Variants in ANKRD36C observed in about 807,000 individuals in gnomAD.
ANKRD36C encodes ankyrin repeat domain-containing protein 36C.
In ANKRD36C, 61 loss-of-function variants were observed where a neutral mutation model predicts 276.4. That is an observed-to-expected ratio of 0.22 (90% CI 0.18 to 0.27). The LOEUF (loss-of-function observed/expected upper bound fraction) is 0.27. ANKRD36C is among the 10% of genes least tolerant of loss of function. The pLI, the probability that ANKRD36C is intolerant of heterozygous loss-of-function variation, is 1.00. For synonymous variants in ANKRD36C, 483 were observed against 680.1 expected, an observed-to-expected ratio of 0.71 and a Z score of 4.51; for missense variants, 1,447 against 2,032.3, an observed-to-expected ratio of 0.71 and a Z score of 5.54.
chr2:95,918,277 C>G (rs1263700102), intron 34 of ANKRD36C, among the ~76,000 whole-genome samples: 1 of 151,510 alleles, frequency 6.6e-6, no homozygotes, highest in Admixed American at 6.6e-5. Flanking sequence ...CGTCATACGT[C>G]GAAAACTAAA....
Position 95,921,869 on chromosome 2 carries a change from A to G in ANKRD36C, c.2144-59T>C. 2.0e-6 allele frequency: 3 copies of G among 1,522,218 alleles called. No homozygotes were observed. The South Asian group carries it at 3.7e-5, about 19-fold the overall frequency. The allele number at this position is 1,522,218 out of a possible 1,614,324, so 94.3% of individuals were successfully genotyped here. On this transcript the variant is annotated intron_variant, in intron 32 of 66. Transcript: ENST00000456556. ...AATATGATACATTTTCCATACATTCATGCGGTGTTAGCATCAAGCTGTATC... is the reference window on the plus strand; with the variant it reads ...AATATGATACATTTTCCATACATTCGTGCGGTGTTAGCATCAAGCTGTATC...
At chr2:95,952,830 T>C (rs1678231888) in intron 14 of ANKRD36C, among the ~76,000 whole-genome samples, 1 of 152,302 alleles carries the variant, frequency 6.6e-6, no homozygotes, top group African/African-American at 2.4e-5. Context: ...TGATTCACAT[T>C]AAAAACTATT....
chr2:95,886,607 C>T (rs1573740360), intron 50 of ANKRD36C, among the ~76,000 whole-genome samples: 1 of 151,754 alleles, frequency 6.6e-6, no homozygotes, highest in East Asian at 1.9e-4. Flanking sequence ...TACATGCACC[C>T]GCATGACTTT....
At chr2:95,982,452 T>C in intron 3 of ANKRD36C, 90 bp from the exon 4 acceptor site, 2 of 1,143,178 alleles carry the variant, frequency 1.7e-6, no homozygotes, top group Non-Finnish European at 2.5e-6. Context: ...TGAGCTTCAA[T>C]ATATACAATT....
intron 17 of ANKRD36C, among the ~76,000 whole-genome samples, chr2:95,947,350 C>T (rs2104477101): frequency 6.6e-6 from 1 of 152,202 alleles, no homozygotes. Context: ...ATATCTCAGG[C>T]ATATTATGTT....
At chr2:95,875,196 C>T (rs1307068401) in intron 59 of ANKRD36C, among the ~76,000 whole-genome samples, 5 of 152,050 alleles carry the variant, frequency 3.3e-5, no homozygotes, top group Admixed American at 6.6e-5. Flanking sequence ...ACCCAAAGGA[C>T]TATAAATCAT....
At chr2:95,903,219 G>A (rs1351643972) in intron 42 of ANKRD36C, 138 bp from the exon 53 acceptor site, 6 of 1,415,004 alleles carry the variant, frequency 4.2e-6, no homozygotes, top group Non-Finnish European at 2.9e-6. Context: ...TTTGTGTCTG[G>A]GGACTAGAAC....
intron 42 of ANKRD36C, among the ~76,000 whole-genome samples, 188 bp from the exon 53 acceptor site, chr2:95,903,269 C>T (rs62153692): frequency 0.28 from 41,593 of 149,996 alleles, 7,473 homozygotes; most frequent in East Asian, 0.48. Flanking sequence ...ACAGGCTCCA[C>T]GAAATATAGT....
chr2:95,871,602 C>T (rs1487620310), intron 59 of ANKRD36C, among the ~76,000 whole-genome samples: 2 of 151,952 alleles, frequency 1.3e-5, no homozygotes, highest in Admixed American at 6.6e-5. Flanking sequence ...GAAGAAACTG[C>T]ATTAACTAAT....
chr2:95,912,264 T>C, exon 42 of ANKRD36C: 2 of 1,554,082 alleles, frequency 1.3e-6, no homozygotes, highest in Non-Finnish European at 1.7e-6. Context: ...TGTTTCTCCA[T>C]CCTTTTTTTC....
chr2:95,973,448 T>C (rs1410724793), intron 6 of ANKRD36C, among the ~76,000 whole-genome samples: 2 of 152,048 alleles, frequency 1.3e-5, no homozygotes, highest in Non-Finnish European at 2.9e-5. Context: ...ATACATAAAA[T>C]AATTTGCATC....
At chr2:95,967,005 G>T (rs941949103) in intron 6 of ANKRD36C, among the ~76,000 whole-genome samples, 4 of 152,286 alleles carry the variant, frequency 2.6e-5, no homozygotes, top group East Asian at 3.9e-4. Flanking sequence ...CATTGACTTT[G>T]TATCCTGAGA....
intron 26 of ANKRD36C, 107 bp downstream of exon 26, chr2:95,928,965 G>T (rs952798087): frequency 6.5e-7 from 1 of 1,532,018 alleles, no homozygotes; most frequent in South Asian, 1.2e-5. Flanking sequence ...CAGGCATACT[G>T]AATCAGAACA....
rs577388907 is a variant in ANKRD36C at position 95,917,780 on chromosome 2, G to T, written c.2347+75C>A. 6 of 1,518,660 alleles carry T rather than the reference G, an allele frequency of 4.0e-6. 1 individual carries two copies. The highest frequency in any genetic ancestry group is 4.2e-5 in the Admixed American group (2 of 47,294). The allele number at this position is 1,518,660 out of a possible 1,614,324, so 94.1% of individuals were successfully genotyped here. On this transcript the variant is annotated intron_variant, in intron 36 of 66. Coordinates refer to ENST00000456556, the Ensembl canonical transcript of ANKRD36C. ...TGGCGAGCACCCCCAACCGCCCTCC[G>T]CTGATTTATTCAGGGTAGAGAAGTT...
At chr2:95,981,179 A>T (rs1197879947) in intron 4 of ANKRD36C, among the ~76,000 whole-genome samples, 1 of 151,824 alleles carries the variant, frequency 6.6e-6, no homozygotes, top group Non-Finnish European at 1.5e-5. Flanking sequence ...GGCTTAAAAC[A>T]ATAATATTAA....
chr2:95,889,960 A>C lies in ANKRD36C; in HGVS notation c.2886+6T>G. The C allele has an allele frequency of 6.2e-7, 1 of 1,609,912 alleles. No homozygotes were observed. On this transcript the variant is annotated splice_donor_region_variant and intron_variant, in intron 47 of 66. Coordinates refer to ENST00000456556, the Ensembl canonical transcript of ANKRD36C. ...TAGTTCAAAATATAAATGAGAGTTT[A>C]ATTACCTTCAAGGCTGGTTGTTTAT... is the stretch of plus-strand genomic sequence containing the variant.
chr2:95,892,219 A>T (rs980811689), intron 44 of ANKRD36C, among the ~76,000 whole-genome samples: 9 of 151,542 alleles, frequency 5.9e-5, no homozygotes, highest in Non-Finnish European at 1.3e-4. Flanking sequence ...GTGCTACATG[A>T]TCCCACATGT....
chr2:95,859,830 G>A, intron 61 of ANKRD36C, 31 bp downstream of exon 81: 2 of 1,545,930 alleles, frequency 1.3e-6, no homozygotes, highest in Non-Finnish European at 1.7e-6. Context: ...AAAACAAACA[G>A]TTCAAACATT....
At chr2:95,898,089 G>C (rs868401632) in intron 44 of ANKRD36C, among the ~76,000 whole-genome samples, 3,734 of 148,832 alleles carry the variant, frequency 0.025, 11 homozygotes, top group African/African-American at 0.088. Context: ...GTATCCACTA[G>C]TTTAGCCTTC....
Sources: gnomAD v4.1 joint callset for allele counts (sites outside exome capture counted in the v4.1 genomes callset) on GRCh38, gnomAD v4.1.1 for gene constraint, MANE v1.5 for transcripts, NCBI Gene and HGNC (gene_info 2026-07-23, HGNC 2026-07-21) for gene names.